RAP1GAP2: variants seen among roughly 807,000 people sequenced by gnomAD.
RAP1GAP2 encodes rap1 GTPase-activating protein 2.
In RAP1GAP2, 27 loss-of-function variants were observed where a neutral mutation model predicts 95.0. That is an observed-to-expected ratio of 0.28 (90% CI 0.21 to 0.39). RAP1GAP2 has a LOEUF of 0.39. RAP1GAP2 is among the 10% of genes least tolerant of loss of function. The probability of loss-of-function intolerance (pLI) is 1.00; values close to 1 mark genes in which losing one functional copy is unlikely to be tolerated. For missense variants in RAP1GAP2, 771 were observed against 970.0 expected (o/e 0.79, Z 2.72); for synonymous variants, 373 against 380.9 (o/e 0.98, Z 0.24).
In RAP1GAP2 at chr17:2,984,955, A is replaced by ATT. The variant is rs112744093; in HGVS notation, c.730-19_730-18dup. ...TTGCTTCCAAATTTAACAAATGTTGATTTTTTTTTTCTTGCCACATTTTCC... is the reference window on the plus strand; with the variant it reads ...TTGCTTCCAAATTTAACAAATGTTGATTTTTTTTTTTTCTTGCCACATTTTCC... On this transcript the variant is annotated intron_variant, in intron 10 of 24. Transcript: ENST00000254695. The ATT allele has an allele frequency of 6.3e-4, 977 of 1,543,064 alleles. 1 individual carries two copies. Among genetic ancestry groups the ATT allele is most frequent in the Non-Finnish European group, 5.2e-4 (595 of 1,135,710 alleles).
intron 2 of RAP1GAP2, among the ~76,000 whole-genome samples, chr17:2,820,209 T>C (rs2070221524): frequency 6.6e-6 from 1 of 152,288 alleles, no homozygotes; most frequent in Non-Finnish European, 1.5e-5. Context: ...CAAGCAATGC[T>C]GCAGGCAGTG....
At chr17:2,924,300 C>T (rs1277940130) in intron 3 of RAP1GAP2, among the ~76,000 whole-genome samples, 5 of 152,062 alleles carry the variant, frequency 3.3e-5, no homozygotes, top group East Asian at 1.9e-4. Context: ...GGGAGTGTTC[C>T]GAGCCGAGGC....
intron 3 of RAP1GAP2, among the ~76,000 whole-genome samples, chr17:2,928,398 C>T (rs567450694): frequency 6.6e-6 from 1 of 152,288 alleles, no homozygotes; most frequent in African/African-American, 2.4e-5. Flanking sequence ...ACCAGGGGCA[C>T]CCTCTGTTTC....
At chr17:2,768,246 A>G (rs1219016087) in intron 1 of RAP1GAP2, among the ~76,000 whole-genome samples, 1 of 152,230 alleles carries the variant, frequency 6.6e-6, no homozygotes, top group Non-Finnish European at 1.5e-5. Context: ...GTTGTCCTTC[A>G]GAGCGGTTGT....
At chr17:3,009,427 G>T (rs1052597467) in intron 17 of RAP1GAP2, among the ~76,000 whole-genome samples, 1 of 152,162 alleles carries the variant, frequency 6.6e-6, no homozygotes, top group South Asian at 2.1e-4. Context: ...ATAATGATAG[G>T]CATAGTATTA....
chr17:2,758,322 C>T (rs747552058), intron 1 of RAP1GAP2, among the ~76,000 whole-genome samples: 19 of 151,390 alleles, frequency 1.3e-4, no homozygotes, highest in African/African-American at 3.4e-4. Flanking sequence ...ACTACAGGTG[C>T]GCACCACCAC....
At chr17:2,971,817 A>G (rs2044878245) in intron 8 of RAP1GAP2, among the ~76,000 whole-genome samples, 1 of 152,194 alleles carries the variant, frequency 6.6e-6, no homozygotes, top group African/African-American at 2.4e-5. Flanking sequence ...AGAGGAAGGA[A>G]TTCACAAAGA....
intron 12 of RAP1GAP2, among the ~76,000 whole-genome samples, chr17:2,994,449 G>A (rs2045885257): frequency 6.6e-6 from 1 of 152,222 alleles, no homozygotes; most frequent in African/African-American, 2.4e-5. Flanking sequence ...TCTTGCCTGT[G>A]AGGAGACAGC....
At chr17:2,961,607 G>A (rs919302621) in intron 4 of RAP1GAP2, among the ~76,000 whole-genome samples, 16 of 152,238 alleles carry the variant, frequency 1.1e-4, no homozygotes, top group Non-Finnish European at 2.9e-5. Flanking sequence ...AACTCCCTTA[G>A]TCCAGTCCCA....
intron 2 of RAP1GAP2, among the ~76,000 whole-genome samples, chr17:2,897,432 A>T (rs537837186): frequency 1.3e-5 from 2 of 151,106 alleles, no homozygotes; most frequent in South Asian, 4.2e-4. Flanking sequence ...TTTCTTTGAG[A>T]TGGAATCTCG....
intron 2 of RAP1GAP2, among the ~76,000 whole-genome samples, chr17:2,826,300 G>A (rs1362447263): frequency 1.3e-5 from 2 of 151,788 alleles, no homozygotes; most frequent in African/African-American, 2.4e-5. Context: ...TGGCCTGCAG[G>A]GGGCATTTCA....
chr17:2,824,754 A>G (rs112036994), intron 2 of RAP1GAP2, among the ~76,000 whole-genome samples: 21,848 of 150,192 alleles, frequency 0.15, 2,130 homozygotes, highest in African/African-American at 0.26. Flanking sequence ...AAAAAAAAAA[A>G]AAAAAAAAAG....
chr17:2,893,792 GT>G (rs564623613), intron 2 of RAP1GAP2, among the ~76,000 whole-genome samples: 1 of 152,074 alleles, frequency 6.6e-6, no homozygotes, highest in South Asian at 2.1e-4. Context: ...CAGTTTCTGA[GT>G]GACGGAGTGC....
rs563334367 is a variant in RAP1GAP2, at chr17:2,825,916, GA to G, written c.80+25370del. On this transcript the variant is annotated intron_variant, in intron 2 of 24. Transcript: ENST00000254695. This position sits in a 1 kb window ranked among gnomAD's most constrained non-coding sequence, Gnocchi z 4.1. ...TTGAAGGAGGCGGCGCTGGAAGGTT[GA>G]AAAGGAATCCCTAGGAAGAGAAGGT... Among the ~76,000 whole-genome samples, 28 of 151,956 alleles carry G rather than the reference GA, an allele frequency of 1.8e-4. No homozygotes were observed. The highest frequency in any genetic ancestry group is 9.2e-4 in the Admixed American group (14 of 15,246).
In RAP1GAP2 at chr17:2,855,922, T is replaced by C. The variant is rs1198613595; in HGVS notation, c.81-49362T>C. Among the ~76,000 whole-genome samples, 6 of 152,324 alleles carry C rather than the reference T, an allele frequency of 3.9e-5. No individual in the cohort carries two copies. The highest frequency in any genetic ancestry group is 8.8e-5 in the Non-Finnish European group (6 of 68,026). Reference sequence around the variant, plus strand: ...AGCCACCGTGCCCGGCTGAAGTGAATCTATTTAATAGAAATAGTAGTAATA... The same window carrying C: ...AGCCACCGTGCCCGGCTGAAGTGAACCTATTTAATAGAAATAGTAGTAATA... On this transcript the variant is annotated intron_variant, in intron 2 of 24. Coordinates refer to ENST00000254695, the MANE Select transcript of RAP1GAP2 (RefSeq NM_015085.5). This position sits in a 1 kb window ranked among gnomAD's most constrained non-coding sequence, Gnocchi z 4.3.
At chr17:2,970,059 AGGTCAGGAG>A (rs986088439) in intron 8 of RAP1GAP2, among the ~76,000 whole-genome samples, 1 of 151,904 alleles carries the variant, frequency 6.6e-6, no homozygotes, top group African/African-American at 2.4e-5. Flanking sequence ...GGCTCACCTG[AGGTCAGGAG>A]TTTAAGACCA....
chr17:3,003,910 T>A lies in RAP1GAP2; in HGVS notation c.1201-1459T>A, dbSNP rs9914364. On this transcript the variant is annotated intron_variant, in intron 14 of 24. Coordinates refer to ENST00000254695, the MANE Select transcript of RAP1GAP2 (RefSeq NM_015085.5). This position sits in a 1 kb window ranked among gnomAD's most constrained non-coding sequence, Gnocchi z 4.1. ...CTCCGTGTGGCCCACAGGGCTCTGC[T>A]GTGGGACTGTCCAGCTGGAGGGTTG... is the stretch of plus-strand genomic sequence containing the variant. Among the ~76,000 whole-genome samples, 2 of 152,066 alleles carry A rather than the reference T, an allele frequency of 1.3e-5. No homozygotes were observed. The highest frequency in any genetic ancestry group is 4.8e-5 in the African/African-American group (2 of 41,408).
intron 8 of RAP1GAP2, among the ~76,000 whole-genome samples, chr17:2,967,633 C>T (rs368681529): frequency 1.6e-4 from 25 of 152,104 alleles, no homozygotes; most frequent in African/African-American, 5.3e-4. Flanking sequence ...GACGAGAAGC[C>T]GTACCCCAGC....
At chr17:3,017,939 G>T in intron 17 of RAP1GAP2, 122 bp from the exon 18 acceptor site, 1 of 824,986 alleles carries the variant, frequency 1.2e-6, no homozygotes, top group Non-Finnish European at 1.8e-6. Context: ...GTGTGTGTGT[G>T]TGTGTGTGTA....
Sources: allele counts gnomAD v4.1 joint callset (sites outside exome capture counted in the v4.1 genomes callset), GRCh38; gene constraint gnomAD v4.1.1; non-coding constraint Gnocchi (gnomAD v3.1); transcripts MANE v1.5; gene names NCBI Gene and HGNC (gene_info 2026-07-23, HGNC 2026-07-21).